The following ABCA13 variants were observed in gnomAD, a reference collection of about 807,000 sequenced individuals.
The protein encoded by ABCA13 is ATP binding cassette subfamily A member 13, also known as ATP-binding cassette sub-family A member 13.
In ABCA13, 476 loss-of-function variants were observed where a neutral mutation model predicts 478.7. That is an observed-to-expected ratio of 0.99 (90% CI 0.92 to 1.07). ABCA13 has a LOEUF of 1.07. Ranked by LOEUF, ABCA13 falls within the 50% of genes least tolerant of loss-of-function variation. The pLI is 0.00. For missense variants in ABCA13, 6,060 were observed against 5,910.6 expected, an observed-to-expected ratio of 1.03 and a Z score of -0.83; for synonymous variants, 2,252 against 2,158.9, an observed-to-expected ratio of 1.04 and a Z score of -1.20.
At chr7:48,200,725 C>G (rs1477264685) in intron 3 of ABCA13, among the ~76,000 whole-genome samples, 1 of 152,118 alleles carries the variant, frequency 6.6e-6, no homozygotes. Context: ...TCAGTAGGGC[C>G]TCTGGTTTCA....
intron 46 of ABCA13, among the ~76,000 whole-genome samples, chr7:48,482,112 T>C (rs560736370): frequency 6.6e-6 from 1 of 152,108 alleles, no homozygotes; most frequent in South Asian, 2.1e-4. Context: ...CTCATGGAGA[T>C]ATTAAAAAAA....
intron 11 of ABCA13, 67 bp from the exon 12 acceptor site, chr7:48,245,444 CA>C: frequency 8.3e-7 from 1 of 1,210,332 alleles, no homozygotes; most frequent in East Asian, 2.4e-5. Context: ...TTTATTGATT[CA>C]TGGCCATGTA....
At chr7:48,177,676 C>T (rs1403556335) in intron 1 of ABCA13, among the ~76,000 whole-genome samples, 2 of 152,222 alleles carry the variant, frequency 1.3e-5, no homozygotes, top group Admixed American at 1.3e-4. Context: ...TGGCTTCTCC[C>T]TCTCTGGCTG....
intron 58 of ABCA13, among the ~76,000 whole-genome samples, chr7:48,600,962 A>G (rs968744557): frequency 9.9e-5 from 15 of 152,014 alleles, no homozygotes; most frequent in Admixed American, 7.9e-4. Flanking sequence ...CATTACGTGT[A>G]TGTTGAAACT....
intron 23 of ABCA13, among the ~76,000 whole-genome samples, chr7:48,307,901 C>T (rs1801151510): frequency 6.6e-6 from 1 of 152,122 alleles, no homozygotes; most frequent in Admixed American, 6.6e-5. Flanking sequence ...CCAGACTGGT[C>T]TCAAACTCCT....
At position 48,644,800 on chromosome 7, in the gene ABCA13, A is replaced by G. The variant is rs1795330915; in HGVS notation, c.15081+46A>G. The G allele has an allele frequency of 2.6e-6, 4 of 1,511,680 alleles. No individual in the cohort carries two copies. In the African/African-American group the frequency reaches 4.2e-5, roughly 16 times the overall value. 93.6% of individuals were successfully genotyped at this position (1,511,680 alleles called of 1,614,324 possible). On this transcript the variant is annotated intron_variant, in intron 61 of 61. Coordinates refer to ENST00000435803, the MANE Select transcript of ABCA13 (RefSeq NM_152701.5). ...CAGGAGGTTGAATTTTGGTCTGTTCATCAGACCTAATGTAGCCAATTTTAA... is the reference window on the plus strand; with the variant it reads ...CAGGAGGTTGAATTTTGGTCTGTTCGTCAGACCTAATGTAGCCAATTTTAA...
At chr7:48,294,447 G>T (rs7800018) in intron 20 of ABCA13, among the ~76,000 whole-genome samples, 96,378 of 133,070 alleles carry the variant, frequency 0.72, 33,365 homozygotes, top group East Asian at 0.98. Flanking sequence ...TTTTTGTTTT[G>T]TTTTTTTTTT....
intron 59 of ABCA13, among the ~76,000 whole-genome samples, chr7:48,629,663 A>T (rs1037983545): frequency 6.9e-6 from 1 of 145,432 alleles, no homozygotes; most frequent in African/African-American, 2.5e-5. Flanking sequence ...TGCAGGTTTT[A>T]TGGAGATGGG....
intron 17 of ABCA13, among the ~76,000 whole-genome samples, chr7:48,277,865 A>G (rs1483123287): frequency 6.6e-6 from 1 of 152,170 alleles, no homozygotes; most frequent in African/African-American, 2.4e-5. Flanking sequence ...AGGTTTAAAG[A>G]ACTGTAACAG....
At chr7:48,592,300 T>A (rs1348782999) in intron 57 of ABCA13, among the ~76,000 whole-genome samples, 1 of 151,956 alleles carries the variant, frequency 6.6e-6, no homozygotes, top group Non-Finnish European at 1.5e-5. Flanking sequence ...GATACATGTA[T>A]TTTTTAAAAT....
chr7:48,463,752 G>A (rs1030570975), intron 43 of ABCA13, among the ~76,000 whole-genome samples: 1 of 150,182 alleles, frequency 6.7e-6, no homozygotes, highest in African/African-American at 2.5e-5. Context: ...AATAAAGAAA[G>A]GAAAGGAAAG....
intron 39 of ABCA13, among the ~76,000 whole-genome samples, chr7:48,409,926 C>CAAA (rs58737850): frequency 1.8e-3 from 225 of 124,114 alleles, no homozygotes; most frequent in Admixed American, 3.1e-3. Context: ...CTAAAAATAC[C>CAAA]AAAAAAAAAA....
intron 38 of ABCA13, among the ~76,000 whole-genome samples, chr7:48,400,938 A>G (rs904298806): frequency 2.0e-5 from 3 of 152,248 alleles, no homozygotes; most frequent in African/African-American, 7.2e-5. Context: ...ATAATAAGTA[A>G]AGGGGCTTGT....
chr7:48,295,451 G>T (rs1799229087), intron 20 of ABCA13, among the ~76,000 whole-genome samples: 1 of 152,222 alleles, frequency 6.6e-6, no homozygotes, highest in Non-Finnish European at 1.5e-5. Flanking sequence ...AGGCGATTTG[G>T]TGGAGAATTG....
chr7:48,365,750 T>C (rs979295718), intron 31 of ABCA13, among the ~76,000 whole-genome samples: 1 of 152,182 alleles, frequency 6.6e-6, no homozygotes, highest in Admixed American at 6.6e-5. Flanking sequence ...TATATTTGTG[T>C]TCTTTATTCT....
At chr7:48,255,844 T>A (rs983492012) in intron 15 of ABCA13, among the ~76,000 whole-genome samples, 9 of 152,140 alleles carry the variant, frequency 5.9e-5, no homozygotes, top group African/African-American at 2.2e-4. Flanking sequence ...GACTGCTGGG[T>A]CAAATGGTAA....
intron 56 of ABCA13, among the ~76,000 whole-genome samples, chr7:48,582,657 G>C (rs905541102): frequency 2.0e-5 from 3 of 152,074 alleles, no homozygotes; most frequent in Non-Finnish European, 4.4e-5. Context: ...TCCCTCCCGG[G>C]GACCCTCAGA....
At chr7:48,448,109 A>C (rs1177721955) in intron 42 of ABCA13, among the ~76,000 whole-genome samples, 1 of 152,222 alleles carries the variant, frequency 6.6e-6, no homozygotes, top group Non-Finnish European at 1.5e-5. Flanking sequence ...CAGAGTCCAC[A>C]TGCCTGCCTG....
intron 43 of ABCA13, among the ~76,000 whole-genome samples, chr7:48,460,108 T>G (rs1826089058): frequency 6.6e-6 from 1 of 152,060 alleles, no homozygotes; most frequent in African/African-American, 2.4e-5. Flanking sequence ...GACTCCCAAG[T>G]CCTGGTTGCT....
Sources: allele counts gnomAD v4.1 joint callset (sites outside exome capture counted in the v4.1 genomes callset), GRCh38; gene constraint gnomAD v4.1.1; transcripts MANE v1.5; gene names NCBI Gene and HGNC (gene_info 2026-07-23, HGNC 2026-07-21).